The following EZH2 variants were observed in gnomAD, a reference collection of about 807,000 sequenced individuals.
The protein encoded by EZH2 is enhancer of zeste 2 polycomb repressive complex 2 subunit.
In EZH2, 18 loss-of-function variants were observed where a neutral mutation model predicts 98.4. That is an observed-to-expected ratio of 0.18 (90% confidence interval 0.13 to 0.27). The LOEUF is 0.27. Ranked by LOEUF, EZH2 falls within the 10% of genes least tolerant of loss-of-function variation. The pLI is 1.00. For missense variants in EZH2, 470 were observed against 935.1 expected (o/e 0.50, Z 6.49); for synonymous variants, 338 against 312.3 (o/e 1.08, Z -0.87).
intron 1 of EZH2, among the ~76,000 whole-genome samples, chr7:148,860,342 A>G (rs1036673453): frequency 2.0e-5 from 3 of 152,150 alleles, no homozygotes; most frequent in Admixed American, 2.0e-4. Context: ...GAAAAAAAAA[A>G]AAAGATTTTT....
At chr7:148,874,580 A>C (rs1323048263) in intron 1 of EZH2, among the ~76,000 whole-genome samples, 1 of 152,182 alleles carries the variant, frequency 6.6e-6, no homozygotes, top group Non-Finnish European at 1.5e-5. Context: ...ATGGAGGTCC[A>C]ACAGCTTGCT....
chr7:148,814,973 G>C lies in EZH2; in HGVS notation c.1613C>G (p.Ser538Trp), dbSNP rs1804158896. 1 of 1,613,738 alleles carries C rather than the reference G, an allele frequency of 6.2e-7. No individual in the cohort carries two copies. The highest frequency in any genetic ancestry group is 8.5e-7 in the Non-Finnish European group (1 of 1,180,018). Reference protein sequence around the residue: ...CDHPRQPCDSSCPCVIAQNFC... With the variant: ...CDHPRQPCDSWCPCVIAQNFC... ...ATTTTGTGCTATCACACAAGGGCAC[G>C]AACTGTCACAAGGCTGCCGTGGATG... is the stretch of plus-strand genomic sequence containing the variant. Residue 538 changes from serine (S) to tryptophan (W), a missense_variant, in exon 14 of 20, where the codon TCG (serine) becomes TGG (tryptophan). Ser to Trp is a radical substitution (Grantham distance 177). Transcript: ENST00000320356.
intron 8 of EZH2, among the ~76,000 whole-genome samples, chr7:148,822,199 T>C (rs1285289127): frequency 6.6e-6 from 1 of 152,150 alleles, no homozygotes; most frequent in African/African-American, 2.4e-5. Context: ...ACTGATAAAT[T>C]CAACTACTTT....
At chr7:148,839,072 G>GGAAGGAAGGAAGGAAA (rs1811682793) in intron 3 of EZH2, among the ~76,000 whole-genome samples, 1 of 138,050 alleles carries the variant, frequency 7.2e-6, no homozygotes, top group Non-Finnish European at 1.6e-5. Flanking sequence ...AAGGAAGGAA[G>GGAAGGAAGGAAGGAAA]GAAGGAAGGA....
At chr7:148,814,251 C>T (rs1252509746) in intron 14 of EZH2, 114 bp from the exon 15 acceptor site, 7 of 843,540 alleles carry the variant, frequency 8.3e-6, no homozygotes, top group South Asian at 3.4e-5. Context: ...CTCACAACCA[C>T]CTTATTACCC....
At chr7:148,850,536 A>G (rs753403702) in intron 1 of EZH2, 13 of 623,408 alleles carry the variant, frequency 2.1e-5, no homozygotes, top group Non-Finnish European at 2.6e-5. Context: ...CTGTGAAAGA[A>G]TATTAAAATT....
At chr7:148,875,716 T>G (rs1321654855) in intron 1 of EZH2, among the ~76,000 whole-genome samples, 2 of 152,152 alleles carry the variant, frequency 1.3e-5, no homozygotes, top group Non-Finnish European at 2.9e-5. Flanking sequence ...CAAAGTAAAA[T>G]CAATATTTAC....
chr7:148,870,676 A>T (rs1819226972), intron 1 of EZH2, among the ~76,000 whole-genome samples: 1 of 150,828 alleles, frequency 6.6e-6, no homozygotes, highest in Admixed American at 6.6e-5. Flanking sequence ...CACCTAGGTG[A>T]CAGAGTGGGA....
chr7:148,818,015 T>C lies in EZH2; in HGVS notation c.1102A>G (p.Ser368Gly). 6.2e-7 allele frequency: 1 copy of C among 1,614,178 alleles called. No individual in the cohort carries two copies. The highest frequency in any genetic ancestry group is 8.5e-7 in the Non-Finnish European group (1 of 1,180,036). ...TTAATGGTGGGGGTGCTGGGCCTGC[T>C]ACTGTTATTGGGAAGCCGTCCTCTT... is the stretch of plus-strand genomic sequence containing the variant. ...RRRGRLPNNS[S>G]RPSTPTINVL... The change falls in exon 10 of 20, where the codon AGC (serine) becomes GGC (glycine). Residue 368 changes from serine (S) to glycine (G), a missense_variant. Transcript: ENST00000320356.
chr7:148,872,726 A>G (rs975107909), intron 1 of EZH2, among the ~76,000 whole-genome samples: 4 of 152,052 alleles, frequency 2.6e-5, no homozygotes, highest in Non-Finnish European at 5.9e-5. Context: ...TTAACTGTCT[A>G]TTTTCTTAGA....
chr7:148,858,823 A>G (rs1166852758), intron 1 of EZH2, among the ~76,000 whole-genome samples: 1 of 152,244 alleles, frequency 6.6e-6, no homozygotes, highest in African/African-American at 2.4e-5. Context: ...ATAGCAGCCT[A>G]TATGATGACA....
At chr7:148,827,141 G>A (rs2129475760) in intron 7 of EZH2, 23 bp downstream of exon 7, 2 of 1,582,428 alleles carry the variant, frequency 1.3e-6, no homozygotes, top group South Asian at 1.1e-5. Context: ...GGGCAAGATT[G>A]CCTCAAAGGA....
chr7:148,821,581 T>G (rs77594274), intron 8 of EZH2, among the ~76,000 whole-genome samples: 1 of 152,188 alleles, frequency 6.6e-6, no homozygotes. Context: ...TTCCAGCACT[T>G]TGGGAGCCCA....
At chr7:148,843,796 C>T (rs1813197308) in intron 3 of EZH2, among the ~76,000 whole-genome samples, 2 of 151,686 alleles carry the variant, frequency 1.3e-5, no homozygotes, top group African/African-American at 4.8e-5. Flanking sequence ...GGGGTTTCAC[C>T]TTGTTAGCCA....
At chr7:148,868,768 G>C (rs887476079) in intron 1 of EZH2, among the ~76,000 whole-genome samples, 7 of 152,074 alleles carry the variant, frequency 4.6e-5, no homozygotes, top group Non-Finnish European at 8.8e-5. Flanking sequence ...TCTCTTTCTA[G>C]AGAATAAGAG....
intron 19 of EZH2, 99 bp downstream of exon 19, chr7:148,808,972 A>C (rs740949): frequency 2.2e-6 from 2 of 918,630 alleles, no homozygotes; most frequent in Non-Finnish European, 3.4e-6. Context: ...AAAGTGACCC[A>C]TCAAAAGAAG....
chr7:148,846,298 T>TA (rs1245293275), intron 3 of EZH2, among the ~76,000 whole-genome samples, 172 bp downstream of exon 3: 5 of 152,164 alleles, frequency 3.3e-5, no homozygotes, highest in Admixed American at 3.3e-4. Context: ...GTTATAGGAA[T>TA]AGCTAATAGT....
At chr7:148,878,085 TAG>T (rs1261815809) in intron 1 of EZH2, among the ~76,000 whole-genome samples, 1 of 152,198 alleles carries the variant, frequency 6.6e-6, no homozygotes, top group Non-Finnish European at 1.5e-5. Flanking sequence ...TATATAGATA[TAG>T]AGAGAGATAT....
rs1809769855 is a variant in EZH2, at chr7:148,832,839, C to T, written c.247-89G>A. The T allele has an allele frequency of 5.6e-6, 4 of 717,808 alleles. No homozygotes were observed. In the South Asian group the frequency reaches 1.1e-4, roughly 19 times the overall value. The allele number at this position is 717,808 out of a possible 1,614,324, so 44.5% of individuals were successfully genotyped here. On this transcript the variant is annotated intron_variant, in intron 3 of 19. Transcript: ENST00000320356. ...ATATTGTAAAGAGATGCTGCCTACCCAAATATTTAATTTTGAAAAAAAAGT... is the reference window on the plus strand; with the variant it reads ...ATATTGTAAAGAGATGCTGCCTACCTAAATATTTAATTTTGAAAAAAAAGT...
Sources: gnomAD v4.1 joint callset for allele counts (sites outside exome capture counted in the v4.1 genomes callset) on GRCh38, gnomAD v4.1.1 for gene constraint, MANE v1.5 for transcripts, NCBI Gene and HGNC (gene_info 2026-07-23, HGNC 2026-07-21) for gene names.